IQCM: variants seen among roughly 807,000 people sequenced by gnomAD.
IQCM encodes IQ domain-containing protein M.
A neutral mutation model predicts 57.6 loss-of-function variants in IQCM; 45 were observed. The ratio of observed to expected loss-of-function variants is 0.78; its 90% CI spans 0.62 to 1.00. The LOEUF is 1.00. Ranked by LOEUF, IQCM falls within the 50% of genes least tolerant of loss-of-function variation. The pLI is 0.00. For missense variants in IQCM, 468 were observed against 511.6 expected, an observed-to-expected ratio of 0.91 and a Z score of 0.82; for synonymous variants, 148 against 158.9, an observed-to-expected ratio of 0.93 and a Z score of 0.51.
chr4:149,664,445 T>C (rs533277063), intron 7 of IQCM, among the ~76,000 whole-genome samples: 1 of 152,240 alleles, frequency 6.6e-6, no homozygotes, highest in Admixed American at 6.5e-5. Flanking sequence ...GGAGTAGCTT[T>C]TGTAGGGAGA....
At chr4:149,569,994 A>G (rs1321952545) in intron 9 of IQCM, among the ~76,000 whole-genome samples, 1 of 152,038 alleles carries the variant, frequency 6.6e-6, no homozygotes, top group Non-Finnish European at 1.5e-5. Flanking sequence ...ATATCCTTTA[A>G]ATAGTATATA....
chr4:149,453,810 G>C (rs1054200501), intron 12 of IQCM, among the ~76,000 whole-genome samples: 1 of 151,640 alleles, frequency 6.6e-6, no homozygotes, highest in Non-Finnish European at 1.5e-5. Context: ...AGAGTTTGTC[G>C]GTTCTTCAGT....
At chr4:149,666,517 G>C (rs756427598) in intron 7 of IQCM, among the ~76,000 whole-genome samples, 1 of 152,122 alleles carries the variant, frequency 6.6e-6, no homozygotes, top group Non-Finnish European at 1.5e-5. Context: ...GGCAGACACC[G>C]AGCTAGCTGC....
chr4:149,595,379 C>T (rs1753674392), intron 8 of IQCM, among the ~76,000 whole-genome samples: 2 of 152,024 alleles, frequency 1.3e-5, no homozygotes, highest in Non-Finnish European at 2.9e-5. Context: ...CCTTGTGACC[C>T]TACCAGAAAC....
At chr4:149,607,327 T>C (rs933549802) in intron 8 of IQCM, among the ~76,000 whole-genome samples, 1 of 152,008 alleles carries the variant, frequency 6.6e-6, no homozygotes, top group Non-Finnish European at 1.5e-5. Flanking sequence ...ATAAAGACTT[T>C]CCCAAACAAA....
chr4:149,785,624 C>T (rs1772009329), intron 2 of IQCM, among the ~76,000 whole-genome samples: 1 of 150,948 alleles, frequency 6.6e-6, no homozygotes, highest in African/African-American at 2.4e-5. Context: ...CAACTTTAAG[C>T]ATGAAATTGT....
chr4:149,493,967 C>T (rs572872397), intron 12 of IQCM, among the ~76,000 whole-genome samples: 2 of 151,398 alleles, frequency 1.3e-5, no homozygotes, highest in East Asian at 3.9e-4. Context: ...CAGACACAAA[C>T]CATCTCCTTT....
At chr4:149,551,032 T>G (rs565990532) in intron 11 of IQCM, among the ~76,000 whole-genome samples, 1 of 152,234 alleles carries the variant, frequency 6.6e-6, no homozygotes, top group Admixed American at 6.5e-5. Flanking sequence ...CATAGTCCTC[T>G]GTTCCCAATC....
At chr4:149,548,391 GA>G (rs1327346689) in intron 12 of IQCM, 63 bp downstream of exon 12, 1 of 1,197,352 alleles carries the variant, frequency 8.4e-7, no homozygotes, top group African/African-American at 1.6e-5. Context: ...GGAAAGTTGG[GA>G]AAGAGAAAAG....
intron 12 of IQCM, among the ~76,000 whole-genome samples, chr4:149,539,390 A>C (rs1747625641): frequency 6.6e-6 from 1 of 152,272 alleles, no homozygotes; most frequent in South Asian, 2.1e-4. Flanking sequence ...GCTGGGGGTA[A>C]GAGTAGGGAT....
At chr4:149,603,396 C>A (rs892797804) in intron 8 of IQCM, among the ~76,000 whole-genome samples, 18 of 152,172 alleles carry the variant, frequency 1.2e-4, no homozygotes, top group Non-Finnish European at 1.5e-5. Flanking sequence ...TTAAAATAAT[C>A]TTTCATCATT....
At chr4:149,554,917 T>C (rs1332324738) in intron 10 of IQCM, among the ~76,000 whole-genome samples, 3 of 151,770 alleles carry the variant, frequency 2.0e-5, no homozygotes, top group Non-Finnish European at 2.9e-5. Flanking sequence ...GCCAGGATGG[T>C]CTGGATCTCC....
chr4:149,446,160 C>CT (rs575219874), intron 12 of IQCM, among the ~76,000 whole-genome samples: 2 of 151,440 alleles, frequency 1.3e-5, no homozygotes, highest in Non-Finnish European at 3.0e-5. Flanking sequence ...TAGTTCAAAG[C>CT]TTTTTTTTCT....
At chr4:149,547,580 C>T (rs1166100938) in intron 12 of IQCM, among the ~76,000 whole-genome samples, 1 of 152,116 alleles carries the variant, frequency 6.6e-6, no homozygotes, top group Non-Finnish European at 1.5e-5. Flanking sequence ...TAATGTACAG[C>T]ATGGTGACTG....
At position 149,409,269 on chromosome 4, in the gene IQCM, A is replaced by T. The variant is rs1055575484; in HGVS notation, c.1390+24127T>A. Among the ~76,000 whole-genome samples, 8 of 152,338 alleles carry T rather than the reference A, an allele frequency of 5.3e-5. 1 individual carries two copies. In the South Asian group the frequency reaches 1.4e-3, roughly 28 times the overall value. On this transcript the variant is annotated intron_variant, in intron 13 of 13. Coordinates refer to ENST00000636793, the MANE Select transcript of IQCM (RefSeq NM_001363507.2). Reference sequence around the variant, plus strand: ...GGATGGGTGCAAGGAAGCATGTGTGAATTGACAGACTGAAAGGCTTAGCAG... The same window carrying T: ...GGATGGGTGCAAGGAAGCATGTGTGTATTGACAGACTGAAAGGCTTAGCAG...
intron 13 of IQCM, among the ~76,000 whole-genome samples, chr4:149,414,399 A>G (rs1733599507): frequency 1.3e-5 from 2 of 152,168 alleles, no homozygotes. Context: ...CTATTATATA[A>G]GAATGCTAAG....
chr4:149,675,521 T>A (rs1023404290), intron 7 of IQCM, among the ~76,000 whole-genome samples: 13 of 151,766 alleles, frequency 8.6e-5, no homozygotes, highest in African/African-American at 2.7e-4. Context: ...GGATTCTGAG[T>A]TTTTGCTGGC....
intron 5 of IQCM, among the ~76,000 whole-genome samples, chr4:149,724,996 A>T (rs1765767325): frequency 6.6e-6 from 1 of 152,178 alleles, no homozygotes; most frequent in East Asian, 1.9e-4. Flanking sequence ...GTTAAGCAGT[A>T]CTGTAGAATA....
At chr4:149,400,094 T>C (rs1732508726) in intron 13 of IQCM, among the ~76,000 whole-genome samples, 1 of 151,984 alleles carries the variant, frequency 6.6e-6, no homozygotes. Context: ...TAAAAATCTC[T>C]ACTACTCAAT....
Sources: gnomAD v4.1 joint callset for allele counts (sites outside exome capture counted in the v4.1 genomes callset) on GRCh38, gnomAD v4.1.1 for gene constraint, MANE v1.5 for transcripts, NCBI Gene and HGNC (gene_info 2026-07-23, HGNC 2026-07-21) for gene names.